LRRC41: variants seen among roughly 807,000 people sequenced by gnomAD.
LRRC41 encodes the protein leucine-rich repeat-containing protein 41.
Under a neutral mutation model 72.1 loss-of-function variants are expected in LRRC41, and 17 were observed. That is an observed-to-expected ratio of 0.24 (90% CI 0.16 to 0.35). LRRC41 has a LOEUF of 0.35. LRRC41 is among the 10% of genes least tolerant of loss of function. The probability of loss-of-function intolerance (pLI) is 1.00; values close to 1 mark genes in which losing one functional copy is unlikely to be tolerated. For synonymous variants in LRRC41, 427 were observed against 431.0 expected, an observed-to-expected ratio of 0.99 and a Z score of 0.11; for missense variants, 759 against 1,065.0, an observed-to-expected ratio of 0.71 and a Z score of 4.00.
At chr1:46,294,425 A>G (rs1661080529) in intron 3 of LRRC41, among the ~76,000 whole-genome samples, 1 of 151,298 alleles carries the variant, frequency 6.6e-6, no homozygotes, top group South Asian at 2.1e-4. Context: ...TCTTTTTTTA[A>G]GAGACGTGGT....
Position 46,303,406 on chromosome 1 carries a change from A to T in LRRC41, c.-84T>A. 8.9e-6 allele frequency: 11 copies of T among 1,232,324 alleles called. No individual in the cohort carries two copies. The highest frequency in any genetic ancestry group is 1.1e-5 in the Non-Finnish European group (10 of 915,720). 76.3% of individuals were successfully genotyped at this position (1,232,324 alleles called of 1,614,324 possible). ...AGCAGTTAGGACGGCTCCATAAGCGATATGGGGAAGAATGTGAATTATTCT... is the reference window on the plus strand; with the variant it reads ...AGCAGTTAGGACGGCTCCATAAGCGTTATGGGGAAGAATGTGAATTATTCT... On this transcript the variant is annotated 5_prime_UTR_variant, in exon 1 of 10. Coordinates refer to ENST00000617190, the MANE Select transcript of LRRC41 (RefSeq NM_006369.5).
rs1218589122 is a variant in LRRC41, at chr1:46,279,155, C to T, written c.2219+27G>A. On this transcript the variant is annotated intron_variant, in intron 9 of 9. Coordinates refer to ENST00000617190, the MANE Select transcript of LRRC41 (RefSeq NM_006369.5). The surrounding 1 kb of genome is among the most constrained non-coding windows in gnomAD (Gnocchi z 4.5). Reference sequence around the variant, plus strand: ...TGGTCTATATCTCTGTAGCCCCATCCCTTGTCTTGCCCCTCCCCTCATGTA... The same window carrying T: ...TGGTCTATATCTCTGTAGCCCCATCTCTTGTCTTGCCCCTCCCCTCATGTA... The T allele has an allele frequency of 2.5e-6, 4 of 1,613,378 alleles. 1 individual carries two copies. In the South Asian group the frequency reaches 4.4e-5, roughly 18 times the overall value.
intron 1 of LRRC41, chr1:46,299,566 C>G (rs951116372): frequency 2.0e-5 from 3 of 151,960 alleles, no homozygotes; most frequent in South Asian, 4.2e-4. Context: ...GATGACAGAG[C>G]AAGACCCTGC....
Position 46,279,379 on chromosome 1 carries a change from C to G in LRRC41, c.2143+113G>C. ...TCCTGAAGCCCCAGCACAGAAATATCTGTATTCCAACTCCCACGTTCCCAG... is the reference window on the plus strand; with the variant it reads ...TCCTGAAGCCCCAGCACAGAAATATGTGTATTCCAACTCCCACGTTCCCAG... On this transcript the variant is annotated intron_variant, in intron 8 of 9. Transcript: ENST00000617190. The surrounding 1 kb of genome is among the most constrained non-coding windows in gnomAD (Gnocchi z 4.5). The G allele has an allele frequency of 6.3e-7, 1 of 1,587,250 alleles. No homozygotes were observed. The highest frequency in any genetic ancestry group is 1.3e-5 in the African/African-American group (1 of 74,514).
In LRRC41 at chr1:46,280,222, G is replaced by C; in HGVS notation, c.1990C>G (p.Leu664Val). The C allele has an allele frequency of 6.2e-7, 1 of 1,614,126 alleles. No individual in the cohort carries two copies. Among genetic ancestry groups the C allele is most frequent in the South Asian group, 1.1e-5 (1 of 91,078 alleles). The change falls in exon 7 of 10, where the codon CTC becomes GTC. Residue 664 changes from leucine to valine, a missense_variant. Transcript: ENST00000617190. ...MNLADCQSEVLFLLQNLTLQE... is the reference protein window; with the variant it reads ...MNLADCQSEVVFLLQNLTLQE... ...AGAGTCAGATTCTGTAGCAAAAAGA[G>C]CACCTCGCTCTGACAGTCAGCGAGA...
rs1245736730 is a variant in LRRC41 at position 46,278,266 on chromosome 1, A to G, written c.*599T>C. The G allele has an allele frequency of 1.9e-6, 3 of 1,613,154 alleles. No individual in the cohort carries two copies. Among genetic ancestry groups the G allele is most frequent in the Non-Finnish European group, 2.5e-6 (3 of 1,179,796 alleles). On this transcript the variant is annotated 3_prime_UTR_variant, in exon 10 of 10. Coordinates refer to ENST00000617190, the MANE Select transcript of LRRC41 (RefSeq NM_006369.5). Reference sequence around the variant, plus strand: ...TTCCACCAGCGTTCTCATGAGGAGCAGCGGGGCCTCCGCTGATAACCAGCT... The same window carrying G: ...TTCCACCAGCGTTCTCATGAGGAGCGGCGGGGCCTCCGCTGATAACCAGCT...
chr1:46,290,916 GTTTTTTTTTTTTT>G (rs71062750), intron 3 of LRRC41, among the ~76,000 whole-genome samples: 3 of 65,728 alleles, frequency 4.6e-5, no homozygotes, highest in African/African-American at 1.1e-4. Context: ...CCTGTTTCTA[GTTTTTTTTTTTTT>G]TTTTTTTTTT....
intron 3 of LRRC41, chr1:46,296,974 T>TG (rs1661137981): frequency 6.6e-6 from 1 of 152,232 alleles, no homozygotes. Flanking sequence ...TGTCCCAATG[T>TG]GACTCACATA....
chr1:46,282,219 C>T (rs1660792690), intron 4 of LRRC41, among the ~76,000 whole-genome samples: 1 of 152,108 alleles, frequency 6.6e-6, no homozygotes, highest in South Asian at 2.1e-4. Context: ...GATGGTTTAA[C>T]CTAGACGCAA....
intron 7 of LRRC41, 113 bp downstream of exon 7, chr1:46,280,079 T>C: frequency 2.5e-6 from 2 of 790,450 alleles, no homozygotes; most frequent in South Asian, 1.6e-5. Context: ...TCTATATCCA[T>C]TTTATAGCTG....
At chr1:46,299,027 A>C (rs562338486) in intron 1 of LRRC41, 1 of 152,376 alleles carries the variant, frequency 6.6e-6, no homozygotes, top group Admixed American at 6.5e-5. Flanking sequence ...CTATATTCTG[A>C]ACTAGTACTT....
At chr1:46,280,104 A>C in intron 7 of LRRC41, 88 bp downstream of exon 7, 1 of 1,025,862 alleles carries the variant, frequency 9.7e-7, no homozygotes, top group Non-Finnish European at 1.5e-6. Context: ...CACAAGGCCA[A>C]GAAAGGAACA....
At chr1:46,295,449 A>G (rs577376214) in intron 3 of LRRC41, among the ~76,000 whole-genome samples, 2 of 152,354 alleles carry the variant, frequency 1.3e-5, no homozygotes, top group East Asian at 1.9e-4. Context: ...TCACCATTGT[A>G]TCCCTGGAAC....
Position 46,280,389 on chromosome 1 carries a change from G to GTCCT in LRRC41, c.1921+3_1921+6dup. The GTCCT allele has an allele frequency of 6.2e-7, 1 of 1,614,172 alleles. No individual in the cohort carries two copies. The highest frequency in any genetic ancestry group is 8.5e-7 in the Non-Finnish European group (1 of 1,180,028). On this transcript the variant is annotated splice_region_variant and intron_variant, in intron 6 of 9. Transcript: ENST00000617190. The stretch of plus-strand genomic sequence containing the variant: ...CCTCTCCCTTCACCATTCTGGCTGG[G>GTCCT]TCCTACCTTTGAGTGTTTGCAAAAC...
chr1:46,293,544 G>A (rs1661061552), intron 3 of LRRC41, among the ~76,000 whole-genome samples: 1 of 151,984 alleles, frequency 6.6e-6, no homozygotes, highest in Admixed American at 6.6e-5. Flanking sequence ...CACCCGGCCT[G>A]ATTTGTGCTT....
Position 46,303,335 on chromosome 1 carries a change from C to A in LRRC41, c.-13G>T. ...CGGGCGCCGCCATCTTGGGGAGGTG[C>A]GCGAGCCCGAGAGTGTCGCCCGCGG... On this transcript the variant is annotated 5_prime_UTR_variant, in exon 1 of 10. Coordinates refer to ENST00000617190, the MANE Select transcript of LRRC41 (RefSeq NM_006369.5). 1 of 1,503,450 alleles carries A rather than the reference C, an allele frequency of 6.7e-7. No homozygotes were observed. Among genetic ancestry groups the A allele is most frequent in the Non-Finnish European group, 8.8e-7 (1 of 1,129,958 alleles). 93.1% of individuals were successfully genotyped at this position (1,503,450 alleles called of 1,614,324 possible).
intron 5 of LRRC41, 100 bp from the exon 6 acceptor site, chr1:46,280,660 TATTC>T: frequency 1.6e-6 from 2 of 1,252,418 alleles, no homozygotes; most frequent in East Asian, 2.4e-5. Flanking sequence ...AAAAATTATT[TATTC>T]ATTCACTTGT....
At position 46,279,346 on chromosome 1, in the gene LRRC41, C is replaced by T. The variant is rs549914473; in HGVS notation, c.2144-89G>A. The T allele has an allele frequency of 3.9e-6, 6 of 1,555,164 alleles. No individual in the cohort carries two copies. Among genetic ancestry groups the T allele is most frequent in the African/African-American group, 2.7e-5 (2 of 73,888 alleles). On this transcript the variant is annotated intron_variant, in intron 8 of 9. Transcript: ENST00000617190. This position sits in a 1 kb window ranked among gnomAD's most constrained non-coding sequence, Gnocchi z 4.5. ...CCAACTATGGCTGGCAGAACCAGCC[C>T]TGCTGGTTCCTGAAGCCCCAGCACA...
At chr1:46,294,515 C>T (rs1325573898) in intron 3 of LRRC41, among the ~76,000 whole-genome samples, 1 of 151,948 alleles carries the variant, frequency 6.6e-6, no homozygotes, top group Non-Finnish European at 1.5e-5. Context: ...CCTCTCACTT[C>T]AGCCTCTGGA....
Sources: gnomAD v4.1 joint callset for allele counts (sites outside exome capture counted in the v4.1 genomes callset) on GRCh38, gnomAD v4.1.1 for gene constraint, Gnocchi (gnomAD v3.1) non-coding constraint, MANE v1.5 for transcripts, NCBI Gene and HGNC (gene_info 2026-07-23, HGNC 2026-07-21) for gene names.